The following CLASRP variants were observed in gnomAD, a reference collection of about 807,000 sequenced individuals.
The protein encoded by CLASRP is CLK4 associating serine/arginine rich protein.
In CLASRP, 52 loss-of-function variants were observed where a neutral mutation model predicts 99.9. That is an observed-to-expected ratio of 0.52 (90% CI 0.42 to 0.66). The LOEUF (loss-of-function observed/expected upper bound fraction) is 0.66, where lower values mean the gene tolerates loss of function less well. CLASRP is among the 30% of genes least tolerant of loss of function. The pLI is 0.00. For missense variants in CLASRP, 848 were observed against 999.2 expected (o/e 0.85, Z 2.04); for synonymous variants, 379 against 373.0 (o/e 1.02, Z -0.18).
chr19:45,041,881 C>T (rs187542113), intron 2 of CLASRP, among the ~76,000 whole-genome samples: 58 of 152,354 alleles, frequency 3.8e-4, no homozygotes, highest in African/African-American at 1.3e-3. Context: ...GCTCCCCAGC[C>T]ACAGGACCTT....
intron 18 of CLASRP, 102 bp from the exon 19 acceptor site, chr19:45,069,920 G>T (rs1322059292): frequency 5.7e-6 from 4 of 703,596 alleles, no homozygotes; most frequent in Non-Finnish European, 1.0e-5. Flanking sequence ...CGGCCCCCTT[G>T]GTTTACTGTC....
intron 2 of CLASRP, among the ~76,000 whole-genome samples, chr19:45,044,613 A>T (rs1971880670): frequency 2.0e-5 from 3 of 152,156 alleles, no homozygotes; most frequent in Non-Finnish European, 1.5e-5. Flanking sequence ...AAAATAATAA[A>T]AAAAAATTAG....
At chr19:45,068,850 G>C in intron 16 of CLASRP, among the ~76,000 whole-genome samples, 1 of 152,164 alleles carries the variant, frequency 6.6e-6, no homozygotes, top group Non-Finnish European at 1.5e-5. Context: ...AATTAGCCAG[G>C]CATGTTGGTG....
intron 20 of CLASRP, 103 bp from the exon 21 acceptor site, chr19:45,070,692 GAACATCCT>G: frequency 1.5e-6 from 2 of 1,313,056 alleles, no homozygotes; most frequent in Non-Finnish European, 2.2e-6. Flanking sequence ...ATCCCTTGGG[GAACATCCT>G]TCCCTCCACA....
intron 13 of CLASRP, among the ~76,000 whole-genome samples, chr19:45,065,751 C>T (rs10419815): frequency 0.51 from 77,060 of 151,866 alleles, 19,779 homozygotes; most frequent in African/African-American, 0.55. Flanking sequence ...CTGCAGGGCA[C>T]CTGCCTGAGT....
Position 45,058,033 on chromosome 19 carries a change from C to T in CLASRP, c.613+135C>T, listed in dbSNP as rs1164843796. The T allele has an allele frequency of 3.0e-5, 32 of 1,082,514 alleles. No individual in the cohort carries two copies. In the African/African-American group the frequency reaches 4.4e-4, roughly 15 times the overall value. The allele number at this position is 1,082,514 out of a possible 1,614,324, so 67.1% of individuals were successfully genotyped here. A position where few individuals can be genotyped will look rare whatever the true frequency, so the allele number is the denominator to read the frequency against. ...CTACCCCGCCCCAGGGCACACCAGC[C>T]TCCTGCTGCCCCTGTCTCACTCCTG... On this transcript the variant is annotated intron_variant, in intron 7 of 20. Transcript: ENST00000221455.
At chr19:45,051,722 A>C (rs549677343) in intron 2 of CLASRP, among the ~76,000 whole-genome samples, 2 of 152,148 alleles carry the variant, frequency 1.3e-5, no homozygotes, top group East Asian at 3.9e-4. Context: ...TAATCCCAGC[A>C]CTTTGGGAGG....
intron 6 of CLASRP, among the ~76,000 whole-genome samples, chr19:45,057,084 A>T (rs1042761758): frequency 1.3e-5 from 2 of 152,118 alleles, no homozygotes; most frequent in African/African-American, 4.8e-5. Context: ...GAGCAGTCTC[A>T]CTTCTCTCTT....
In CLASRP at chr19:45,060,456, G is replaced by A; in HGVS notation, c.778G>A (p.Ala260Thr). 1.9e-6 allele frequency: 3 copies of A among 1,614,180 alleles called. No individual in the cohort carries two copies. The highest frequency in any genetic ancestry group is 1.7e-6 in the Non-Finnish European group (2 of 1,180,028). Residue 260 changes from alanine to threonine, a missense_variant, in exon 9 of 21, where the codon GCC (alanine) becomes ACC (threonine). Physicochemically the swap from Ala to Thr is moderately conservative, Grantham distance 58. Coordinates refer to ENST00000221455, the MANE Select transcript of CLASRP (RefSeq NM_007056.3). This position sits in a 1 kb window ranked among gnomAD's most constrained non-coding sequence, Gnocchi z 4.6. ...TGCCAAGGCTCTTGAGGAGGAGAAG[G>A]CCATGTACTCGGTGAGGTCTGGGCT... ...KHAKALEEEK[A>T]MYSGRRSRRQ...
chr19:45,070,675 T>C, intron 20 of CLASRP, 114 bp downstream of exon 20: 2 of 1,294,700 alleles, frequency 1.5e-6, no homozygotes, highest in East Asian at 2.3e-5. Context: ...TTGGAGGGGC[T>C]GGTCTCATCC....
chr19:45,047,351 G>T (rs1006182908), intron 2 of CLASRP: 3 of 146,784 alleles, frequency 2.0e-5, no homozygotes, highest in African/African-American at 7.6e-5. Context: ...GTTCCAGGCT[G>T]CAGTGAACTG....
intron 2 of CLASRP, among the ~76,000 whole-genome samples, chr19:45,042,808 G>A (rs1434446148): frequency 6.6e-6 from 1 of 151,888 alleles, no homozygotes; most frequent in Admixed American, 6.6e-5. Flanking sequence ...GTAGAGACAG[G>A]GTTTCACCAT....
chr19:45,055,806 C>T (rs1019686512), intron 5 of CLASRP, among the ~76,000 whole-genome samples: 16 of 152,128 alleles, frequency 1.1e-4, no homozygotes, highest in African/African-American at 3.9e-4. Flanking sequence ...GCACTCCAGC[C>T]TGTGCAACAA....
At position 45,060,932 on chromosome 19, in the gene CLASRP, C is replaced by G. The variant is rs1318643262; in HGVS notation, c.863+305C>G. Among the ~76,000 whole-genome samples, 1 of 152,230 alleles carries G rather than the reference C, an allele frequency of 6.6e-6. No individual in the cohort carries two copies. Among genetic ancestry groups the G allele is most frequent in the Non-Finnish European group, 1.5e-5 (1 of 68,048 alleles). On this transcript the variant is annotated intron_variant, in intron 10 of 20. Transcript: ENST00000221455. This position sits in a 1 kb window ranked among gnomAD's most constrained non-coding sequence, Gnocchi z 4.6. Reference sequence around the variant, plus strand: ...CGGCAGAGAGGGCACAGGCTTTGCCCTGGACTCTCACCCAGTTCTGCTGCT... The same window carrying G: ...CGGCAGAGAGGGCACAGGCTTTGCCGTGGACTCTCACCCAGTTCTGCTGCT...
Position 45,060,459 on chromosome 19 carries a change from A to G in CLASRP, c.781A>G (p.Met261Val). 6.2e-7 allele frequency: 1 copy of G among 1,614,114 alleles called. No homozygotes were observed. The highest frequency in any genetic ancestry group is 8.5e-7 in the Non-Finnish European group (1 of 1,179,998). Residue 261 changes from methionine to valine, a missense_variant, in exon 9 of 21, where the codon ATG (methionine) becomes GTG (valine). Around this residue, in one of 8 missense-constraint regions of CLASRP, gnomAD observed 119 missense variants for 170.2 expected, o/e 0.70. Coordinates refer to ENST00000221455, the MANE Select transcript of CLASRP (RefSeq NM_007056.3). The surrounding 1 kb of genome is among the most constrained non-coding windows in gnomAD (Gnocchi z 4.6). ...CAAGGCTCTTGAGGAGGAGAAGGCCATGTACTCGGTGAGGTCTGGGCTGGA... is the reference window on the plus strand; with the variant it reads ...CAAGGCTCTTGAGGAGGAGAAGGCCGTGTACTCGGTGAGGTCTGGGCTGGA... ...HAKALEEEKA[M>V]YSGRRSRRQR...
At chr19:45,040,934 A>C in intron 2 of CLASRP, among the ~76,000 whole-genome samples, 1 of 152,122 alleles carries the variant, frequency 6.6e-6, no homozygotes, top group East Asian at 1.9e-4. Context: ...ACTGAACTCC[A>C]GCCTGGGTGA....
chr19:45,062,554 T>A (rs912953604), intron 11 of CLASRP, among the ~76,000 whole-genome samples: 2 of 152,138 alleles, frequency 1.3e-5, no homozygotes, highest in African/African-American at 4.8e-5. Flanking sequence ...ATTTTTTGTA[T>A]TTTTAGTAGA....
chr19:45,048,450 T>C (rs1318468233), intron 2 of CLASRP, among the ~76,000 whole-genome samples: 1 of 151,302 alleles, frequency 6.6e-6, no homozygotes, highest in African/African-American at 2.4e-5. Context: ...CGCTTGAACC[T>C]GGGAGGCGGA....
chr19:45,057,954 CT>C, intron 7 of CLASRP, 56 bp downstream of exon 7: 1 of 1,605,920 alleles, frequency 6.2e-7, no homozygotes, highest in Non-Finnish European at 8.5e-7. Context: ...GTTTCTGTGT[CT>C]CGTCCCTCAC....
Sources: allele counts gnomAD v4.1 joint callset (sites outside exome capture counted in the v4.1 genomes callset), GRCh38; gene constraint gnomAD v4.1.1; regional missense constraint gnomAD v4.1.1; non-coding constraint Gnocchi (gnomAD v3.1); transcripts MANE v1.5; gene names NCBI Gene and HGNC (gene_info 2026-07-23, HGNC 2026-07-21).